Variants in WNT8B observed in about 807,000 individuals in gnomAD.
WNT8B encodes the protein Wnt family member 8B.
A neutral mutation model predicts 36.6 loss-of-function variants in WNT8B; 24 were observed. That is an observed-to-expected ratio of 0.66 (90% CI 0.48 to 0.92). The LOEUF is 0.92. WNT8B is among the 40% of genes least tolerant of loss of function. WNT8B has a pLI of 0.00. For synonymous variants in WNT8B, 199 were observed against 189.8 expected (o/e 1.05, Z -0.40); for missense variants, 402 against 470.8 (o/e 0.85, Z 1.35).
In WNT8B at chr10:100,470,166, C is replaced by T. The variant is rs529265582; in HGVS notation, c.68+6930C>T. Among the ~76,000 whole-genome samples, 434 of 152,284 alleles carry T rather than the reference C, an allele frequency of 2.8e-3. 1 individual carries two copies. The highest frequency in any genetic ancestry group is 0.01 in the African/African-American group (417 of 41,564). ...AATTTTTTTAAGGCAGGATCTCACTCTGTCAGCCAGGCTGGAGTGTACAAT... is the reference window on the plus strand; with the variant it reads ...AATTTTTTTAAGGCAGGATCTCACTTTGTCAGCCAGGCTGGAGTGTACAAT... On this transcript the variant is annotated intron_variant, in intron 1 of 5. Transcript: ENST00000343737.
rs766791899 is a variant in WNT8B at position 100,481,087 on chromosome 10, A to G, written c.331A>G (p.Asn111Asp). The stretch of plus-strand genomic sequence containing the variant: ...AAACTGCAGCCTTGGAGATTTTGAT[A>G]ACTGTGGCTGTGATGACTCCCGCAA... Reference protein sequence around the residue: ...TRNCSLGDFDNCGCDDSRNGQ... With the variant: ...TRNCSLGDFDDCGCDDSRNGQ... Residue 111 changes from asparagine to aspartate, a missense_variant, in exon 4 of 6, where the codon AAC becomes GAC. Physicochemically the swap from Asn to Asp is conservative, Grantham distance 23 (BLOSUM62 1). Coordinates refer to ENST00000343737, the MANE Select transcript of WNT8B (RefSeq NM_003393.4). 50 of 1,614,010 alleles carry G rather than the reference A, an allele frequency of 3.1e-5. No homozygotes were observed. Among genetic ancestry groups the G allele is most frequent in the Non-Finnish European group, 4.2e-5 (49 of 1,180,020 alleles).
intron 1 of WNT8B, among the ~76,000 whole-genome samples, chr10:100,472,619 A>G (rs997579721): frequency 6.6e-6 from 1 of 152,218 alleles, no homozygotes; most frequent in African/African-American, 2.4e-5. Flanking sequence ...ATTAAACTTT[A>G]TATCAGTGTA....
chr10:100,473,476 T>C (rs2133653870), intron 1 of WNT8B, among the ~76,000 whole-genome samples: 1 of 152,366 alleles, frequency 6.6e-6, no homozygotes, highest in Non-Finnish European at 1.5e-5. Flanking sequence ...ATCTAGTCAG[T>C]TTCCATGAGA....
rs375403695 is a variant in WNT8B at position 100,463,150 on chromosome 10, G to T, written c.-19G>T. The T allele has an allele frequency of 4.3e-6, 7 of 1,612,516 alleles. No individual in the cohort carries two copies. The highest frequency in any genetic ancestry group is 5.9e-6 in the Non-Finnish European group (7 of 1,179,106). ...TCCCAGTTTTTTGGAATTTTCTCTA[G>T]CTGTTACTCCAGAGGATTATGTTTC... is the stretch of plus-strand genomic sequence containing the variant. On this transcript the variant is annotated 5_prime_UTR_variant, in exon 1 of 6. Coordinates refer to ENST00000343737, the MANE Select transcript of WNT8B (RefSeq NM_003393.4).
intron 1 of WNT8B, among the ~76,000 whole-genome samples, chr10:100,467,379 G>A (rs1268944413): frequency 6.6e-6 from 1 of 151,948 alleles, no homozygotes; most frequent in African/African-American, 2.4e-5. Flanking sequence ...CACATTATGG[G>A]GCTATATTCC....
In WNT8B at chr10:100,479,054, C is replaced by A; in HGVS notation, c.71C>A (p.Ser24Ter). Residue 24 changes from serine to a stop codon, truncating the protein, a stop_gained and splice_region_variant, in exon 2 of 6, where the codon TCG becomes TAG. Coordinates refer to ENST00000343737, the MANE Select transcript of WNT8B (RefSeq NM_003393.4). LOFTEE classifies it high-confidence loss of function. ...TTTGTTTTTTTTTTCCCTTATAGGT[C>A]GGTGAACAATTTCCTGATGACTGGT... The part of the protein sequence containing the change: ...TCVLQLSHSW[S>*]VNNFLMTGPK... The A allele has an allele frequency of 6.3e-7, 1 of 1,595,336 alleles. No homozygotes were observed.
chr10:100,480,103 C>T (rs1476946287), intron 3 of WNT8B, 91 bp downstream of exon 3: 12 of 1,445,312 alleles, frequency 8.3e-6, no homozygotes, highest in African/African-American at 1.4e-5. Context: ...CACCCTTATT[C>T]CTCACCTGCT....
chr10:100,469,922 C>T (rs2133651730), intron 1 of WNT8B, among the ~76,000 whole-genome samples: 1 of 152,342 alleles, frequency 6.6e-6, no homozygotes, highest in East Asian at 1.9e-4. Flanking sequence ...ACTGGAGAAC[C>T]TTCCAGCTAT....
chr10:100,476,046 C>T (rs1421119572), intron 1 of WNT8B, among the ~76,000 whole-genome samples: 1 of 151,832 alleles, frequency 6.6e-6, no homozygotes, highest in African/African-American at 2.4e-5. Flanking sequence ...AATCCCAGCA[C>T]TTTGGGAGGC....
intron 2 of WNT8B, among the ~76,000 whole-genome samples, 164 bp downstream of exon 2, chr10:100,479,249 C>A (rs1851079211): frequency 6.6e-6 from 1 of 152,044 alleles, no homozygotes. Flanking sequence ...CATCTAAAAC[C>A]ACATAGCAAA....
intron 1 of WNT8B, among the ~76,000 whole-genome samples, chr10:100,465,463 GCCT>G (rs1208889710): frequency 6.6e-6 from 1 of 152,094 alleles, no homozygotes; most frequent in Non-Finnish European, 1.5e-5. Flanking sequence ...GAATGAGCAG[GCCT>G]AGAAAGTGTT....
chr10:100,477,921 C>T (rs934040974), intron 1 of WNT8B, among the ~76,000 whole-genome samples: 8 of 150,414 alleles, frequency 5.3e-5, no homozygotes, highest in Admixed American at 2.0e-4. Context: ...GCATTACAGG[C>T]GCATACCACC....
chr10:100,472,918 C>G (rs1850995638), intron 1 of WNT8B, among the ~76,000 whole-genome samples: 1 of 152,368 alleles, frequency 6.6e-6, no homozygotes, highest in South Asian at 2.1e-4. Flanking sequence ...CATCTGCTCA[C>G]TACACTAAAA....
At chr10:100,471,361 A>G (rs1850975317) in intron 1 of WNT8B, among the ~76,000 whole-genome samples, 1 of 152,226 alleles carries the variant, frequency 6.6e-6, no homozygotes, top group African/African-American at 2.4e-5. Context: ...ACCCAGTGTG[A>G]GCAGCAACAG....
chr10:100,468,864 G>A (rs961718649), intron 1 of WNT8B, among the ~76,000 whole-genome samples: 2 of 152,218 alleles, frequency 1.3e-5, no homozygotes, highest in Admixed American at 6.5e-5. Context: ...TTTGGCAAGG[G>A]CCGGATTTGC....
intron 1 of WNT8B, among the ~76,000 whole-genome samples, chr10:100,474,987 TC>T (rs1851021429): frequency 6.7e-6 from 1 of 148,752 alleles, no homozygotes; most frequent in African/African-American, 2.5e-5. Context: ...ACGCCTGTAA[TC>T]CCAGCACTTT....
intron 1 of WNT8B, among the ~76,000 whole-genome samples, chr10:100,470,382 T>A (rs757971045): frequency 1.3e-5 from 2 of 152,156 alleles, no homozygotes; most frequent in African/African-American, 4.8e-5. Context: ...CATTTATCCA[T>A]CTTTATTATG....
intron 1 of WNT8B, among the ~76,000 whole-genome samples, chr10:100,467,422 A>C (rs1850918954): frequency 6.6e-6 from 1 of 152,172 alleles, no homozygotes; most frequent in African/African-American, 2.4e-5. Flanking sequence ...AAGAGGGCTA[A>C]TAGGTCAGTC....
chr10:100,463,290 T>C, intron 1 of WNT8B, 54 bp downstream of exon 1: 1 of 1,544,186 alleles, frequency 6.5e-7, no homozygotes, highest in Non-Finnish European at 8.9e-7. Context: ...GTATGTAATG[T>C]GTTGGGTAAA....
Sources: allele counts gnomAD v4.1 joint callset (sites outside exome capture counted in the v4.1 genomes callset), GRCh38; gene constraint gnomAD v4.1.1; transcripts MANE v1.5; gene names NCBI Gene and HGNC (gene_info 2026-07-23, HGNC 2026-07-21).